The following RAB31 variants were observed in gnomAD, a reference collection of about 807,000 sequenced individuals.
RAB31 encodes the protein ras-related protein Rab-31.
RAB31 carries 21 observed loss-of-function variants against 25.6 expected under a neutral mutation model. That is an observed-to-expected ratio of 0.82 (90% CI 0.58 to 1.18). The LOEUF is 1.18. Among genes scored for constraint, RAB31 ranks in the 50% most tolerant of loss-of-function variants. RAB31 has a pLI of 0.00. For synonymous variants in RAB31, 87 were observed against 84.0 expected (o/e 1.04, Z -0.20); for missense variants, 196 against 250.1 (o/e 0.78, Z 1.46).
At chr18:9,760,108 C>T (rs1216452951) in intron 1 of RAB31, among the ~76,000 whole-genome samples, 3 of 151,786 alleles carry the variant, frequency 2.0e-5, no homozygotes, top group Non-Finnish European at 4.4e-5. Flanking sequence ...GCATCTTCCA[C>T]ATTTTCTCTG....
At chr18:9,802,970 G>A (rs922695811) in intron 3 of RAB31, among the ~76,000 whole-genome samples, 2 of 152,194 alleles carry the variant, frequency 1.3e-5, no homozygotes, top group Non-Finnish European at 2.9e-5. Context: ...ACCTTTGGAA[G>A]TTCTTGAAGA....
rs951180415 is a variant in RAB31, at chr18:9,763,234, A to T, written c.40-12044A>T. On this transcript the variant is annotated intron_variant, in intron 1 of 6. Coordinates refer to ENST00000578921, the MANE Select transcript of RAB31 (RefSeq NM_006868.4). ...CGAGTTGCTTTAATTTCTTCCTTTA[A>T]ACTTACGCTAAGGCCTAATCAAACA... Among the ~76,000 whole-genome samples the T allele has an allele frequency of 5.3e-5, 8 of 152,220 alleles. No individual in the cohort carries two copies. In the East Asian group the frequency reaches 1.5e-3, roughly 29 times the overall value.
At chr18:9,838,703 C>T (rs1188422847) in intron 5 of RAB31, among the ~76,000 whole-genome samples, 2 of 152,204 alleles carry the variant, frequency 1.3e-5, no homozygotes, top group Admixed American at 1.3e-4. Flanking sequence ...TTCCTGATCC[C>T]CTCCCCTGCT....
chr18:9,844,817 A>T (rs2068752165), intron 5 of RAB31: 1 of 151,436 alleles, frequency 6.6e-6, no homozygotes, highest in Non-Finnish European at 1.5e-5. Context: ...AGATGAAATC[A>T]GGTGCGTTCA....
At chr18:9,839,913 G>A (rs1279452395) in intron 5 of RAB31, among the ~76,000 whole-genome samples, 5 of 152,196 alleles carry the variant, frequency 3.3e-5, no homozygotes, top group African/African-American at 7.2e-5. Flanking sequence ...CCGTTCCTGC[G>A]GTCTCCAGCT....
At chr18:9,730,461 A>AT (rs1236205823) in intron 1 of RAB31, among the ~76,000 whole-genome samples, 4 of 151,550 alleles carry the variant, frequency 2.6e-5, no homozygotes, top group African/African-American at 4.8e-5. Context: ...TAATTTTTGT[A>AT]TTTTTTTTAG....
chr18:9,837,716 C>A (rs891334002), intron 5 of RAB31, among the ~76,000 whole-genome samples: 1 of 152,212 alleles, frequency 6.6e-6, no homozygotes, highest in African/African-American at 2.4e-5. Context: ...TATTCACCAT[C>A]CTTGAATAAA....
intron 1 of RAB31, chr18:9,722,600 A>G (rs1349896186): frequency 6.6e-6 from 1 of 152,134 alleles, no homozygotes; most frequent in East Asian, 1.9e-4. Context: ...GTTTATGTGT[A>G]CCCTTATTAT....
chr18:9,767,594 A>T (rs889552230), intron 1 of RAB31, among the ~76,000 whole-genome samples: 5 of 152,204 alleles, frequency 3.3e-5, no homozygotes, highest in African/African-American at 9.6e-5. Flanking sequence ...AAAAGATTTT[A>T]AGGCCCTTTT....
chr18:9,719,299 ATATATATATATATAT>A (rs1287270638), intron 1 of RAB31, among the ~76,000 whole-genome samples: 1 of 15,200 alleles, frequency 6.6e-5, no homozygotes, highest in African/African-American at 1.6e-4. Flanking sequence ...AAAAAAAAAA[ATATATATATATATAT>A]ATATATATAT....
At chr18:9,744,002 A>G (rs2068193084) in intron 1 of RAB31, among the ~76,000 whole-genome samples, 3 of 152,240 alleles carry the variant, frequency 2.0e-5, no homozygotes, top group African/African-American at 4.8e-5. Context: ...ATCATGGGGC[A>G]CAGTGGGTGC....
intron 1 of RAB31, among the ~76,000 whole-genome samples, chr18:9,768,266 T>C (rs192049644): frequency 2.8e-4 from 43 of 152,350 alleles, no homozygotes; most frequent in African/African-American, 8.9e-4. Flanking sequence ...TCTAGATCCT[T>C]GAGGAATTGC....
At position 9,857,717 on chromosome 18, in the gene RAB31, T is replaced by G. The variant is rs151017437; in HGVS notation, c.491-1511T>G. 1.8e-4 allele frequency among the ~76,000 whole-genome samples: 27 copies of G among 151,406 alleles called. No homozygotes were observed. In the East Asian group the frequency reaches 5.1e-3, roughly 29 times the overall value. ...ATAGATAGATAGATAGATAGATAGATAGATAGATAGATATAGATATTCATT... is the reference window on the plus strand; with the variant it reads ...ATAGATAGATAGATAGATAGATAGAGAGATAGATAGATATAGATATTCATT... On this transcript the variant is annotated intron_variant, in intron 6 of 6. Transcript: ENST00000578921.
intron 1 of RAB31, among the ~76,000 whole-genome samples, chr18:9,767,886 C>T (rs2068324444): frequency 6.6e-6 from 1 of 152,100 alleles, no homozygotes; most frequent in Non-Finnish European, 1.5e-5. Flanking sequence ...TGCCCCCTGA[C>T]AGGCCCCAGT....
At chr18:9,746,968 T>A (rs1208584981) in intron 1 of RAB31, among the ~76,000 whole-genome samples, 2 of 152,156 alleles carry the variant, frequency 1.3e-5, no homozygotes, top group Admixed American at 6.5e-5. Flanking sequence ...ATTAAGAAAG[T>A]GAAAAGACAG....
chr18:9,818,061 G>T (rs1376363732), intron 5 of RAB31, among the ~76,000 whole-genome samples: 2 of 152,136 alleles, frequency 1.3e-5, no homozygotes, highest in African/African-American at 4.8e-5. Flanking sequence ...AGTGTGGCAT[G>T]TATATCTTTT....
intron 5 of RAB31, among the ~76,000 whole-genome samples, chr18:9,832,072 C>A (rs958361503): frequency 1.3e-5 from 2 of 152,188 alleles, no homozygotes; most frequent in Non-Finnish European, 2.9e-5. Flanking sequence ...TCTGTGGATA[C>A]GCCGAGCGAT....
chr18:9,752,437 C>T (rs1002463316), intron 1 of RAB31, among the ~76,000 whole-genome samples: 2 of 152,134 alleles, frequency 1.3e-5, no homozygotes, highest in African/African-American at 2.4e-5. Flanking sequence ...GTTGGCCAGG[C>T]TGGTCTCGAA....
In RAB31 at chr18:9,732,894, C is replaced by A. The variant is rs985604297; in HGVS notation, c.39+24450C>A. Among the ~76,000 whole-genome samples, 3 of 152,090 alleles carry A rather than the reference C, an allele frequency of 2.0e-5. No homozygotes were observed. The East Asian group carries it at 5.8e-4, about 29-fold the overall frequency. On this transcript the variant is annotated intron_variant, in intron 1 of 6. Coordinates refer to ENST00000578921, the MANE Select transcript of RAB31 (RefSeq NM_006868.4). ...ATGCTCATCTTACTGAGCATAATAA[C>A]CTGGAGCATGACCTATATTGAATTC... is the stretch of plus-strand genomic sequence containing the variant.
Sources: allele counts gnomAD v4.1 joint callset (sites outside exome capture counted in the v4.1 genomes callset), GRCh38; gene constraint gnomAD v4.1.1; transcripts MANE v1.5; gene names NCBI Gene and HGNC (gene_info 2026-07-23, HGNC 2026-07-21).